CNTN5: variants seen among roughly 807,000 people sequenced by gnomAD.
CNTN5 encodes the protein contactin-5.
In CNTN5, 77 loss-of-function variants were observed where a neutral mutation model predicts 129.1. That is an observed-to-expected ratio of 0.60 (90% CI 0.50 to 0.72). CNTN5 has a LOEUF of 0.72. Ranked by LOEUF, CNTN5 falls within the 30% of genes least tolerant of loss-of-function variation. The pLI, the probability that CNTN5 is intolerant of heterozygous loss-of-function variation, is 0.00. For synonymous variants in CNTN5, 509 were observed against 465.6 expected (o/e 1.09, Z -1.20); for missense variants, 1,478 against 1,328.8 (o/e 1.11, Z -1.75).
chr11:99,744,423 G>A (rs1385077805), intron 3 of CNTN5, among the ~76,000 whole-genome samples: 2 of 151,726 alleles, frequency 1.3e-5, no homozygotes, highest in Non-Finnish European at 2.9e-5. Context: ...TGTTGGGACT[G>A]GGCCCTGTGG....
At chr11:99,618,158 C>A (rs1235181100) in intron 3 of CNTN5, among the ~76,000 whole-genome samples, 2 of 152,180 alleles carry the variant, frequency 1.3e-5, no homozygotes, top group Admixed American at 6.5e-5. Flanking sequence ...CTCAGTATAC[C>A]TTTACCCTCC....
intron 1 of CNTN5, among the ~76,000 whole-genome samples, chr11:99,230,307 G>A (rs566408513): frequency 6.6e-6 from 1 of 152,028 alleles, no homozygotes; most frequent in African/African-American, 2.4e-5. Flanking sequence ...ATAAATAAAA[G>A]TGTGTATATA....
chr11:99,171,065 G>GT (rs61449791), intron 1 of CNTN5, among the ~76,000 whole-genome samples: 19,911 of 151,450 alleles, frequency 0.13, 1,833 homozygotes, highest in African/African-American at 0.26. Flanking sequence ...GAATATATTA[G>GT]TTTTTTTTTC....
At chr11:99,175,709 A>G (rs1392433369) in intron 1 of CNTN5, among the ~76,000 whole-genome samples, 1 of 152,120 alleles carries the variant, frequency 6.6e-6, no homozygotes, top group Non-Finnish European at 1.5e-5. Flanking sequence ...CGCATCTACC[A>G]TTAGATAAAC....
chr11:100,194,013 A>C (rs1470299783), intron 15 of CNTN5, among the ~76,000 whole-genome samples: 1 of 151,976 alleles, frequency 6.6e-6, no homozygotes, highest in African/African-American at 2.4e-5. Context: ...TAAATAAATA[A>C]AATGCCTGCC....
At chr11:99,327,624 CA>C (rs1272485648) in intron 2 of CNTN5, among the ~76,000 whole-genome samples, 2 of 152,178 alleles carry the variant, frequency 1.3e-5, no homozygotes, top group East Asian at 1.9e-4. Flanking sequence ...CTGAGCACTC[CA>C]AAAAGACATA....
rs774513618 is a variant in CNTN5 at position 99,898,192 on chromosome 11, A to C, written c.578-17862A>C. ...GAAAAACAAGAACAAATCAAACCTA[A>C]ATGTAGCAGAAGAAAAAATACTAGA... On this transcript the variant is annotated intron_variant, in intron 6 of 24. Coordinates refer to ENST00000524871, the MANE Select transcript of CNTN5 (RefSeq NM_014361.4). 2.0e-5 allele frequency among the ~76,000 whole-genome samples: 3 copies of C among 152,176 alleles called. No homozygotes were observed. The South Asian group carries it at 6.2e-4, about 32-fold the overall frequency.
At chr11:100,027,629 C>G (rs558009320) in intron 9 of CNTN5, among the ~76,000 whole-genome samples, 84 of 152,246 alleles carry the variant, frequency 5.5e-4, no homozygotes, top group Non-Finnish European at 1.1e-3. Context: ...CTGTAGATCT[C>G]TAACACTCTT....
chr11:99,628,396 A>G (rs557826187), intron 3 of CNTN5, among the ~76,000 whole-genome samples: 6 of 152,074 alleles, frequency 3.9e-5, no homozygotes, highest in Admixed American at 2.0e-4. Context: ...GTACTTGGGA[A>G]ATTATGCCAG....
At chr11:99,914,022 A>G (rs1401835396) in intron 6 of CNTN5, among the ~76,000 whole-genome samples, 1 of 152,094 alleles carries the variant, frequency 6.6e-6, no homozygotes, top group Admixed American at 6.6e-5. Context: ...AACAGAGGCC[A>G]GAGGATTGCT....
chr11:99,128,117 G>A (rs1166039720), intron 1 of CNTN5, among the ~76,000 whole-genome samples: 1 of 152,176 alleles, frequency 6.6e-6, no homozygotes. Context: ...AAAAGGGACT[G>A]AAGCCAGAGA....
At chr11:100,225,101 T>A (rs1186916272) in intron 16 of CNTN5, 1 of 201,584 alleles carries the variant, frequency 5.0e-6, no homozygotes, top group Admixed American at 5.5e-5. Context: ...ACAGTTGAGC[T>A]ACTAAGTCAC....
intron 3 of CNTN5, among the ~76,000 whole-genome samples, chr11:99,614,991 ATAAATATAGAAGTAATACTATATC>A (rs1175379996): frequency 6.6e-6 from 1 of 150,632 alleles, no homozygotes; most frequent in Non-Finnish European, 1.5e-5. Context: ...AGGGAGACAG[ATAAATATAGAAGTAATACTATATC>A]TATTTTATTA....
intron 6 of CNTN5, among the ~76,000 whole-genome samples, chr11:99,883,118 T>C (rs1315970821): frequency 6.6e-6 from 1 of 152,196 alleles, no homozygotes; most frequent in African/African-American, 2.4e-5. Flanking sequence ...TTCATTCATC[T>C]ATTGATGGAC....
chr11:99,160,509 A>T (rs1466958834), intron 1 of CNTN5, among the ~76,000 whole-genome samples: 1 of 152,176 alleles, frequency 6.6e-6, no homozygotes, highest in Non-Finnish European at 1.5e-5. Flanking sequence ...ACCTAAACAT[A>T]TCACTAGGAT....
intron 4 of CNTN5, among the ~76,000 whole-genome samples, chr11:99,844,102 C>T (rs1235819393): frequency 6.6e-6 from 1 of 152,162 alleles, no homozygotes; most frequent in Non-Finnish European, 1.5e-5. Context: ...TTTTATCACA[C>T]ACAGAATTTC....
At chr11:99,674,047 T>C (rs1200471785) in intron 3 of CNTN5, among the ~76,000 whole-genome samples, 1 of 152,188 alleles carries the variant, frequency 6.6e-6, no homozygotes, top group East Asian at 1.9e-4. Flanking sequence ...TTTTCCACAA[T>C]GGTTGAACTA....
At chr11:100,121,343 A>T (rs1430928690) in intron 13 of CNTN5, among the ~76,000 whole-genome samples, 1 of 152,122 alleles carries the variant, frequency 6.6e-6, no homozygotes, top group African/African-American at 2.4e-5. Context: ...GGTTTTAGAC[A>T]GATTTTAATC....
At chr11:99,665,318 ATGTC>A (rs1024973192) in intron 3 of CNTN5, among the ~76,000 whole-genome samples, 2 of 152,050 alleles carry the variant, frequency 1.3e-5, no homozygotes, top group African/African-American at 4.8e-5. Flanking sequence ...TTTAAGGAAA[ATGTC>A]TGGGCATTTT....
Sources: gnomAD v4.1 joint callset for allele counts (sites outside exome capture counted in the v4.1 genomes callset) on GRCh38, gnomAD v4.1.1 for gene constraint, MANE v1.5 for transcripts, NCBI Gene and HGNC (gene_info 2026-07-23, HGNC 2026-07-21) for gene names.